The following LTN1 variants were observed in gnomAD, a reference collection of about 807,000 sequenced individuals.
The protein encoded by LTN1 is E3 ubiquitin-protein ligase listerin.
LTN1 carries 88 observed loss-of-function variants against 201.2 expected under a neutral mutation model. The observed-to-expected ratio is 0.44, with a 90% CI of 0.37 to 0.52. LTN1 has a LOEUF of 0.52. Ranked by LOEUF, LTN1 falls within the 20% of genes least tolerant of loss-of-function variation. The pLI is 0.00. For missense variants in LTN1, 1,752 were observed against 2,038.7 expected (o/e 0.86, Z 2.71); for synonymous variants, 645 against 713.5 (o/e 0.90, Z 1.53).
intron 6 of LTN1, among the ~76,000 whole-genome samples, chr21:28,974,604 GA>G (rs2084600621): frequency 6.6e-6 from 1 of 152,216 alleles, no homozygotes; most frequent in Non-Finnish European, 1.5e-5. Flanking sequence ...TCAGTAGAAA[GA>G]CTGACATCTT....
Position 28,930,197 on chromosome 21 carries a change from C to A in LTN1, c.*251G>T. ...TTTTAAATATACAAAGAAATTAAAC[C>A]ATTAATAGAAATATTTTCTCTCAAA... On this transcript the variant is annotated 3_prime_UTR_variant, in exon 30 of 30. Transcript: ENST00000361371. 3.0e-6 allele frequency: 1 copy of A among 329,736 alleles called. No homozygotes were observed. Among genetic ancestry groups the A allele is most frequent in the Admixed American group, 4.8e-5 (1 of 20,810 alleles). 20.4% of individuals were successfully genotyped at this position (329,736 alleles called of 1,614,324 possible). A position where few individuals can be genotyped will look rare whatever the true frequency, so the allele number is the denominator to read the frequency against.
At chr21:28,964,801 T>G (rs1461114193) in intron 11 of LTN1, 1 of 1,519,374 alleles carries the variant, frequency 6.6e-7, no homozygotes, top group Admixed American at 2.1e-5. Flanking sequence ...TCTACTCTTA[T>G]CAAATTATTT....
intron 12 of LTN1, 22 bp from the exon 13 acceptor site, chr21:28,959,719 CA>C: frequency 6.5e-7 from 1 of 1,543,814 alleles, no homozygotes; most frequent in Non-Finnish European, 8.7e-7. Context: ...AAGGTTCAAA[CA>C]GACAAAAAAT....
rs1409523888 is a variant in LTN1, at chr21:28,932,522, A to G, written c.5018T>C (p.Val1673Ala). Residue 1673 changes from valine to alanine, a missense_variant, in exon 28 of 30, where the codon GTT becomes GCT. Transcript: ENST00000361371. ...VESGKRVGVA[V>A]QQWRNWMLQL... ...CAGCATCCAGTTCCGCCACTGCTGAACAGCTACTCCTACTCTTTTCCCACT... is the reference window on the plus strand; with the variant it reads ...CAGCATCCAGTTCCGCCACTGCTGAGCAGCTACTCCTACTCTTTTCCCACT... 2 of 1,614,136 alleles carry G rather than the reference A, an allele frequency of 1.2e-6. No homozygotes were observed. Among genetic ancestry groups the G allele is most frequent in the East Asian group, 2.2e-5 (1 of 44,878 alleles).
rs1264168306 is a variant in LTN1, at chr21:28,987,028, GCTTTT to G, written c.43-99_43-95del. On this transcript the variant is annotated intron_variant, in intron 1 of 29. Transcript: ENST00000361371. ...TTGGCTATTCCCATGGTCAGAATGA[GCTTTT>G]ATTTTATTTTCTTTTTTCCTAGCCT... 4 of 746,648 alleles carry G rather than the reference GCTTTT, an allele frequency of 5.4e-6. No homozygotes were observed. In the East Asian group the frequency reaches 8.2e-5, roughly 15 times the overall value. 46.3% of individuals were successfully genotyped at this position (746,648 alleles called of 1,614,324 possible).
intron 26 of LTN1, among the ~76,000 whole-genome samples, chr21:28,935,580 C>A (rs1257849649): frequency 6.6e-6 from 1 of 152,102 alleles, no homozygotes; most frequent in East Asian, 1.9e-4. Context: ...GTGGCTCACG[C>A]CTGTAATCCC....
At chr21:28,964,585 TGA>T (rs1601193929) in intron 11 of LTN1, 1 of 1,535,308 alleles carries the variant, frequency 6.5e-7, no homozygotes, top group African/African-American at 1.4e-5. Context: ...ACGATGTCTC[TGA>T]GATATGCCAG....
intron 6 of LTN1, among the ~76,000 whole-genome samples, chr21:28,976,381 T>C (rs1215211883): frequency 1.3e-5 from 2 of 152,010 alleles, no homozygotes; most frequent in Non-Finnish European, 2.9e-5. Context: ...TGGTGGATCA[T>C]TTGAGGTCAG....
At chr21:28,937,788 G>T (rs930050651) in intron 25 of LTN1, among the ~76,000 whole-genome samples, 1 of 151,990 alleles carries the variant, frequency 6.6e-6, no homozygotes, top group Admixed American at 6.5e-5. Flanking sequence ...ACCAGTAAGT[G>T]TAACAAAAAT....
Position 28,969,472 on chromosome 21 carries a change from A to G in LTN1, c.1305T>C (p.Asn435=), listed in dbSNP as rs924003466. The G allele has an allele frequency of 6.2e-7, 1 of 1,608,862 alleles. No homozygotes were observed. Among genetic ancestry groups the G allele is most frequent in the Non-Finnish European group, 8.5e-7 (1 of 1,178,692 alleles). ...ACTTTTACATTATAGATACCTGATC[A>G]TTGACGAGCATCTGTTCAATCTCTT... The part of the protein sequence containing the change: ...GEEEIEQMLV[N]DQLIPFIDAV... The change falls in exon 9 of 30, where the codon AAT becomes AAC. Residue 435 remains asparagine, a synonymous_variant. Coordinates refer to ENST00000361371, the MANE Select transcript of LTN1 (RefSeq NM_015565.3).
intron 11 of LTN1, chr21:28,960,910 GT>G (rs1217969684): frequency 8.3e-6 from 3 of 361,072 alleles, no homozygotes; most frequent in Non-Finnish European, 1.5e-5. Flanking sequence ...ACGCTTTGCT[GT>G]TACCTTCCCA....
At chr21:28,948,344 A>G (rs1008876156) in intron 18 of LTN1, among the ~76,000 whole-genome samples, 3 of 135,600 alleles carry the variant, frequency 2.2e-5, no homozygotes, top group African/African-American at 8.5e-5. Context: ...ATCTCAGCTC[A>G]TTGCAACCTC....
intron 18 of LTN1, among the ~76,000 whole-genome samples, chr21:28,948,468 T>C (rs1224532593): frequency 1.3e-5 from 2 of 151,636 alleles, no homozygotes; most frequent in East Asian, 3.9e-4. Context: ...AGATGGGGTT[T>C]TACCATGTTA....
chr21:28,943,997 T>A (rs1601170281), intron 22 of LTN1, 93 bp from the exon 23 acceptor site: 38 of 587,344 alleles, frequency 6.5e-5, no homozygotes, highest in East Asian at 5.9e-4. Flanking sequence ...TTTAAGAAAA[T>A]GAAATAAAAA....
chr21:28,985,392 C>T (rs944557586), intron 3 of LTN1, among the ~76,000 whole-genome samples: 1 of 149,990 alleles, frequency 6.7e-6, no homozygotes, highest in African/African-American at 2.5e-5. Context: ...ACCCAGGAGA[C>T]AAGGTTGCAG....
At position 28,930,332 on chromosome 21, in the gene LTN1, A is replaced by C; in HGVS notation, c.*116T>G. Reference sequence around the variant, plus strand: ...CATTAACCAAAATAATTTTCCAGAGAAGGTCCTATTTAAAAGTAATGCTCA... The same window carrying C: ...CATTAACCAAAATAATTTTCCAGAGCAGGTCCTATTTAAAAGTAATGCTCA... On this transcript the variant is annotated 3_prime_UTR_variant, in exon 30 of 30. Transcript: ENST00000361371. 1.6e-6 allele frequency: 1 copy of C among 631,850 alleles called. No individual in the cohort carries two copies. The highest frequency in any genetic ancestry group is 2.7e-6 in the Non-Finnish European group (1 of 364,196). The allele number at this position is 631,850 out of a possible 1,614,324, so 39.1% of individuals were successfully genotyped here.
chr21:28,960,368 GA>G (rs893945145), intron 12 of LTN1, 148 bp downstream of exon 12: 134 of 546,678 alleles, frequency 2.5e-4, no homozygotes, highest in Non-Finnish European at 3.4e-4. Context: ...AAAAAAAAAA[GA>G]AAAAAGAAAA....
At chr21:28,949,081 T>C (rs1209784276) in intron 18 of LTN1, among the ~76,000 whole-genome samples, 2 of 152,250 alleles carry the variant, frequency 1.3e-5, no homozygotes, top group Non-Finnish European at 2.9e-5. Context: ...ACCATTGCTC[T>C]TAATTTGTAC....
At position 28,966,460 on chromosome 21, in the gene LTN1, A is replaced by G. The variant is rs1407451458; in HGVS notation, c.2031T>C (p.Asp677=). 1 of 1,614,064 alleles carries G rather than the reference A, an allele frequency of 6.2e-7. No homozygotes were observed. Among genetic ancestry groups the G allele is most frequent in the Admixed American group, 1.7e-5 (1 of 60,004 alleles). Residue 677 remains aspartate, a synonymous_variant, in exon 10 of 30, where the codon GAT becomes GAC. Coordinates refer to ENST00000361371, the MANE Select transcript of LTN1 (RefSeq NM_015565.3). ...IGWLNEDQRK[D]FGFLVDILYS... ...ACAAAATGTCCACCAGGAAACCAAA[A>G]TCCTTCCTTTGATCTTCATTTAGCC...
Sources: gnomAD v4.1 joint callset for allele counts (sites outside exome capture counted in the v4.1 genomes callset) on GRCh38, gnomAD v4.1.1 for gene constraint, MANE v1.5 for transcripts, NCBI Gene and HGNC (gene_info 2026-07-23, HGNC 2026-07-21) for gene names.